The following SBNO1 variants were observed in gnomAD, a reference collection of about 807,000 sequenced individuals.
SBNO1 encodes protein strawberry notch homolog 1.
SBNO1 carries 23 observed loss-of-function variants against 173.6 expected under a neutral mutation model. That is an observed-to-expected ratio of 0.13 (90% CI 0.10 to 0.19). The LOEUF is 0.19. Ranked by LOEUF, SBNO1 falls within the 10% of genes least tolerant of loss-of-function variation. SBNO1 has a pLI of 1.00. For synonymous variants in SBNO1, 632 were observed against 571.5 expected (o/e 1.11, Z -1.51); for missense variants, 1,238 against 1,671.2 (o/e 0.74, Z 4.52).
chr12:123,301,313 T>A (rs2048784068), intron 30 of SBNO1, among the ~76,000 whole-genome samples: 1 of 152,170 alleles, frequency 6.6e-6, no homozygotes, highest in African/African-American at 2.4e-5. Flanking sequence ...AGCCTACCTT[T>A]TAAAACATTT....
chr12:123,330,170 C>G (rs1315929812), intron 9 of SBNO1, among the ~76,000 whole-genome samples: 2 of 152,160 alleles, frequency 1.3e-5, no homozygotes, highest in African/African-American at 4.8e-5. Flanking sequence ...CACTTGAGAG[C>G]ACATCTCAAT....
chr12:123,314,542 A>ATCC (rs1869038379), intron 23 of SBNO1, among the ~76,000 whole-genome samples: 2 of 151,756 alleles, frequency 1.3e-5, no homozygotes, highest in African/African-American at 4.8e-5. Context: ...GTTGGCCAGG[A>ATCC]TGGTCTCGAT....
chr12:123,360,042 C>T (rs549545705), intron 1 of SBNO1, among the ~76,000 whole-genome samples: 1 of 152,240 alleles, frequency 6.6e-6, no homozygotes, highest in South Asian at 2.1e-4. Flanking sequence ...GAGTTCGAGA[C>T]CAGCCTGGCC....
intron 30 of SBNO1, among the ~76,000 whole-genome samples, chr12:123,299,706 A>AAAAAAAAAAAAG (rs2048723994): frequency 1.3e-5 from 2 of 151,468 alleles, no homozygotes; most frequent in Non-Finnish European, 1.5e-5. Context: ...AAAACAAAAA[A>AAAAAAAAAAAAG]GCCAAGTGTG....
chr12:123,345,629 T>C (rs919583739), intron 3 of SBNO1, 59 bp from the exon 4 acceptor site: 1 of 1,414,874 alleles, frequency 7.1e-7, no homozygotes, highest in African/African-American at 1.4e-5. Context: ...ATGAAGCTTA[T>C]ATCCACAAAC....
chr12:123,361,502 C>G (rs771860592), intron 1 of SBNO1, among the ~76,000 whole-genome samples: 17 of 151,668 alleles, frequency 1.1e-4, no homozygotes. Context: ...GGGCCGAGAT[C>G]GCGCCATTGC....
chr12:123,313,296 AAAT>A (rs1361206492), intron 24 of SBNO1, among the ~76,000 whole-genome samples: 2 of 150,544 alleles, frequency 1.3e-5, no homozygotes, highest in African/African-American at 4.8e-5. Context: ...TAAAATAAAT[AAAT>A]AAATAAATAA....
chr12:123,313,498 T>A lies in SBNO1; in HGVS notation c.3220+122A>T, dbSNP rs1260409767. The A allele has an allele frequency of 1.7e-5, 10 of 576,112 alleles. No individual in the cohort carries two copies. In the East Asian group the frequency reaches 2.8e-4, roughly 16 times the overall value. 35.7% of individuals were successfully genotyped at this position (576,112 alleles called of 1,614,324 possible). On this transcript the variant is annotated intron_variant, in intron 24 of 31. Coordinates refer to ENST00000602398, the MANE Select transcript of SBNO1 (RefSeq NM_001167856.3). ...TTATGTGTCCTAGTAACCATTAATT[T>A]CAAAGTTTTATACAATTTATGTCCA...
intron 6 of SBNO1, among the ~76,000 whole-genome samples, chr12:123,335,671 G>C (rs138539551): frequency 6.6e-6 from 1 of 152,238 alleles, no homozygotes; most frequent in East Asian, 1.9e-4. Flanking sequence ...TAGATAATAA[G>C]TAAACCAATA....
At chr12:123,350,628 T>G (rs1013628238) in intron 1 of SBNO1, among the ~76,000 whole-genome samples, 187 bp from the exon 2 acceptor site, 3 of 151,920 alleles carry the variant, frequency 2.0e-5, no homozygotes, top group African/African-American at 7.3e-5. Context: ...CACTCTAAAA[T>G]AGAAAGGATA....
chr12:123,361,267 G>A (rs1426535749), intron 1 of SBNO1, among the ~76,000 whole-genome samples: 3 of 150,684 alleles, frequency 2.0e-5, no homozygotes, highest in East Asian at 2.0e-4. Context: ...ATAGAAAGAA[G>A]GCTGGGCATG....
chr12:123,331,918 T>C (rs1031361944), intron 7 of SBNO1, among the ~76,000 whole-genome samples: 4 of 152,170 alleles, frequency 2.6e-5, no homozygotes, highest in African/African-American at 7.2e-5. Flanking sequence ...AGTGGCACAA[T>C]CTCGGCTCAC....
intron 30 of SBNO1, among the ~76,000 whole-genome samples, chr12:123,302,238 G>GTTTT (rs1222921851): frequency 8.9e-6 from 1 of 112,978 alleles, no homozygotes; most frequent in African/African-American, 3.3e-5. Flanking sequence ...TGGCCTTATT[G>GTTTT]TTTTTTTTTT....
chr12:123,334,161 G>A lies in SBNO1; in HGVS notation c.801C>T (p.Ser267=), dbSNP rs1448314479. Residue 267 remains serine (S), a synonymous_variant, in exon 7 of 32, where the codon TCC becomes TCT. Coordinates refer to ENST00000602398, the MANE Select transcript of SBNO1 (RefSeq NM_001167856.3). Reference sequence around the variant, plus strand: ...ACCAAACATCAGGAGGAGTAACACTGGATAAAGAGCTGGTTTCCACTACAG... The same window carrying A: ...ACCAAACATCAGGAGGAGTAACACTAGATAAAGAGCTGGTTTCCACTACAG... ...PDAVVETSSL[S]SVTPPDVWYK... 1 of 1,599,828 alleles carries A rather than the reference G, an allele frequency of 6.3e-7. No homozygotes were observed. The highest frequency in any genetic ancestry group is 8.5e-7 in the Non-Finnish European group (1 of 1,174,856).
Position 123,295,623 on chromosome 12 carries a change from C to T in SBNO1, c.*285G>A, listed in dbSNP as rs1047633456. 3.0e-6 allele frequency: 1 copy of T among 328,154 alleles called. No homozygotes were observed. Among genetic ancestry groups the T allele is most frequent in the Non-Finnish European group, 5.7e-6 (1 of 174,034 alleles). 20.3% of individuals were successfully genotyped at this position (328,154 alleles called of 1,614,324 possible). A position where few individuals can be genotyped will look rare whatever the true frequency, so the allele number is the denominator to read the frequency against. ...CTGTAGCCTTTAACACACTCACAAACAGACTGACACACACGCACACACACA... is the reference window on the plus strand; with the variant it reads ...CTGTAGCCTTTAACACACTCACAAATAGACTGACACACACGCACACACACA... On this transcript the variant is annotated 3_prime_UTR_variant, in exon 32 of 32. Transcript: ENST00000602398.
At chr12:123,313,226 A>AAATG (rs1162215944) in intron 24 of SBNO1, among the ~76,000 whole-genome samples, 3 of 148,122 alleles carry the variant, frequency 2.0e-5, no homozygotes, top group Non-Finnish European at 4.5e-5. Context: ...ATAAATAAAT[A>AAATG]AATAAATAAA....
At chr12:123,320,167 T>C (rs1869783858) in intron 19 of SBNO1, 136 bp from the exon 20 acceptor site, 1 of 1,017,066 alleles carries the variant, frequency 9.8e-7, no homozygotes, top group East Asian at 2.4e-5. Context: ...TACAGAACAC[T>C]GCAACAGAGT....
At chr12:123,346,097 T>C (rs926846541) in intron 3 of SBNO1, among the ~76,000 whole-genome samples, 5 of 152,162 alleles carry the variant, frequency 3.3e-5, no homozygotes, top group Non-Finnish European at 5.9e-5. Context: ...AAGCATAAAA[T>C]GGAACTATCC....
At chr12:123,334,707 C>CA (rs1231152555) in intron 6 of SBNO1, among the ~76,000 whole-genome samples, 1 of 150,556 alleles carries the variant, frequency 6.6e-6, no homozygotes, top group Non-Finnish European at 1.5e-5. Flanking sequence ...GACTCTGTCT[C>CA]AAAAAATAAA....
Sources: gnomAD v4.1 joint callset for allele counts (sites outside exome capture counted in the v4.1 genomes callset) on GRCh38, gnomAD v4.1.1 for gene constraint, MANE v1.5 for transcripts, NCBI Gene and HGNC (gene_info 2026-07-23, HGNC 2026-07-21) for gene names.